Variants in CCDC170 observed in about 807,000 individuals in gnomAD.
CCDC170 encodes coiled-coil domain containing 170.
In CCDC170, 69 loss-of-function variants were observed where a neutral mutation model predicts 72.6. The observed-to-expected ratio is 0.95, with a 90% CI of 0.78 to 1.16. The LOEUF (loss-of-function observed/expected upper bound fraction) is 1.16. CCDC170 is among the 50% of genes most tolerant of loss of function. CCDC170 has a pLI of 0.00. For synonymous variants in CCDC170, 300 were observed against 303.9 expected (o/e 0.99, Z 0.13); for missense variants, 852 against 832.5 (o/e 1.02, Z -0.29).
rs575561924 is a variant in CCDC170, at chr6:151,557,266, G to A, written c.774+8777G>A. On this transcript the variant is annotated intron_variant, in intron 5 of 10. Transcript: ENST00000239374. ...TACTAAAAAATACAAAAAGTTAGCC[G>A]GGTGTGGTGGTGCACGCCTGTAGTC... 9.2e-5 allele frequency among the ~76,000 whole-genome samples: 14 copies of A among 152,100 alleles called. 1 individual carries two copies. The highest frequency in any genetic ancestry group is 2.6e-4 in the Admixed American group (4 of 15,288).
chr6:151,557,430 T>A (rs1413651031), intron 5 of CCDC170, among the ~76,000 whole-genome samples: 1 of 146,188 alleles, frequency 6.8e-6, no homozygotes, highest in African/African-American at 2.8e-5. Flanking sequence ...AAAAAATCCA[T>A]TCATCCGTTG....
At chr6:151,533,184 G>T (rs1391967181) in intron 1 of CCDC170, among the ~76,000 whole-genome samples, 1 of 151,192 alleles carries the variant, frequency 6.6e-6, no homozygotes, top group Non-Finnish European at 1.5e-5. Context: ...CTCCCGAGTA[G>T]CTGGGACTAC....
intron 7 of CCDC170, among the ~76,000 whole-genome samples, chr6:151,589,770 G>A (rs1472585073): frequency 6.6e-6 from 1 of 152,050 alleles, no homozygotes; most frequent in Non-Finnish European, 1.5e-5. Flanking sequence ...GTTCTCTGGT[G>A]CCCCCAGGAT....
intron 1 of CCDC170, among the ~76,000 whole-genome samples, chr6:151,497,466 T>C (rs904289210): frequency 5.9e-5 from 9 of 152,184 alleles, no homozygotes; most frequent in Non-Finnish European, 1.0e-4. Context: ...CACTAAAATT[T>C]AATGCTGCAC....
intron 1 of CCDC170, among the ~76,000 whole-genome samples, chr6:151,530,101 T>G (rs1782473152): frequency 6.6e-6 from 1 of 152,238 alleles, no homozygotes; most frequent in South Asian, 2.1e-4. Context: ...ATTGTGTGAC[T>G]GTATCAGTAT....
At chr6:151,534,785 T>G (rs1161154103) in intron 1 of CCDC170, among the ~76,000 whole-genome samples, 1 of 152,208 alleles carries the variant, frequency 6.6e-6, no homozygotes, top group African/African-American at 2.4e-5. Context: ...TTAAGAAGAC[T>G]TTTGCATTCA....
At chr6:151,610,274 A>C (rs1430481743) in intron 9 of CCDC170, among the ~76,000 whole-genome samples, 1 of 152,218 alleles carries the variant, frequency 6.6e-6, no homozygotes, top group East Asian at 1.9e-4. Flanking sequence ...AATTATGTAT[A>C]CATATATATC....
At chr6:151,558,073 TG>T (rs976829586) in intron 5 of CCDC170, among the ~76,000 whole-genome samples, 3 of 152,232 alleles carry the variant, frequency 2.0e-5, no homozygotes, top group Non-Finnish European at 2.9e-5. Flanking sequence ...CACTCCAACC[TG>T]GTGACAGATC....
chr6:151,547,597 C>T (rs763463397), intron 4 of CCDC170, among the ~76,000 whole-genome samples: 9 of 152,128 alleles, frequency 5.9e-5, no homozygotes, highest in Non-Finnish European at 1.2e-4. Context: ...TATATCACTT[C>T]CACGGAGAGT....
chr6:151,518,298 T>A (rs75318086), intron 1 of CCDC170, among the ~76,000 whole-genome samples: 7,467 of 152,194 alleles, frequency 0.049, 357 homozygotes, highest in East Asian at 0.21. Flanking sequence ...GGGGGTGGGA[T>A]CTTGGAGAAA....
At chr6:151,538,614 G>A (rs1782631292) in intron 3 of CCDC170, among the ~76,000 whole-genome samples, 1 of 152,158 alleles carries the variant, frequency 6.6e-6, no homozygotes, top group Non-Finnish European at 1.5e-5. Context: ...CTGAGCTTGT[G>A]GGGTAGTACA....
intron 1 of CCDC170, among the ~76,000 whole-genome samples, chr6:151,518,554 A>T (rs901148120): frequency 7.2e-6 from 1 of 138,946 alleles, no homozygotes; most frequent in African/African-American, 2.6e-5. Context: ...AAGGGTGCCT[A>T]CTCCATAGGC....
intron 1 of CCDC170, among the ~76,000 whole-genome samples, chr6:151,509,344 CAT>C (rs1782114332): frequency 6.6e-6 from 1 of 152,050 alleles, no homozygotes; most frequent in South Asian, 2.1e-4. Context: ...GTGGCTATTC[CAT>C]ATGTGACATT....
intron 3 of CCDC170, among the ~76,000 whole-genome samples, chr6:151,540,939 C>T (rs1782679430): frequency 1.3e-5 from 2 of 152,148 alleles, no homozygotes; most frequent in Admixed American, 6.5e-5. Context: ...GCACAGAGTC[C>T]TCCAGTGACT....
At chr6:151,586,795 A>AT (rs1291848351) in intron 7 of CCDC170, among the ~76,000 whole-genome samples, 3 of 151,392 alleles carry the variant, frequency 2.0e-5, no homozygotes, top group East Asian at 2.0e-4. Flanking sequence ...TATTATTTCT[A>AT]TTTTTTTGAG....
intron 1 of CCDC170, among the ~76,000 whole-genome samples, chr6:151,500,798 C>T (rs1781982920): frequency 6.6e-6 from 1 of 151,858 alleles, no homozygotes; most frequent in African/African-American, 2.4e-5. Flanking sequence ...TTGGCAGAAG[C>T]AAAAATCTAT....
At chr6:151,518,131 G>A (rs554400076) in intron 1 of CCDC170, among the ~76,000 whole-genome samples, 2 of 152,278 alleles carry the variant, frequency 1.3e-5, no homozygotes, top group South Asian at 4.1e-4. Flanking sequence ...GAGTCCAGAA[G>A]AAGGCAACCT....
intron 4 of CCDC170, 72 bp from the exon 5 acceptor site, chr6:151,548,232 G>A (rs897819900): frequency 1.5e-6 from 2 of 1,329,868 alleles, no homozygotes; most frequent in Non-Finnish European, 2.0e-6. Flanking sequence ...GCAGTCTATA[G>A]ATGTGACTTG....
At chr6:151,530,944 T>C (rs748414240) in intron 1 of CCDC170, among the ~76,000 whole-genome samples, 3 of 152,216 alleles carry the variant, frequency 2.0e-5, no homozygotes, top group Non-Finnish European at 4.4e-5. Context: ...GCTCTTTGCA[T>C]ATTAAAGTTT....
Sources: gnomAD v4.1 joint callset for allele counts (sites outside exome capture counted in the v4.1 genomes callset) on GRCh38, gnomAD v4.1.1 for gene constraint, MANE v1.5 for transcripts, NCBI Gene and HGNC (gene_info 2026-07-23, HGNC 2026-07-21) for gene names.